PDE1C: variants seen among roughly 807,000 people sequenced by gnomAD.
PDE1C encodes phosphodiesterase 1C.
Under a neutral mutation model 93.1 loss-of-function variants are expected in PDE1C, and 62 were observed. The ratio of observed to expected loss-of-function variants is 0.67; its 90% CI spans 0.54 to 0.82. The LOEUF (loss-of-function observed/expected upper bound fraction) is 0.82. PDE1C is among the 40% of genes least tolerant of loss of function. PDE1C has a pLI of 0.00. For missense variants in PDE1C, 742 were observed against 884.6 expected (o/e 0.84, Z 2.04); for synonymous variants, 325 against 310.1 (o/e 1.05, Z -0.50).
At chr7:32,021,458 G>C (rs1788661200) in intron 2 of PDE1C, among the ~76,000 whole-genome samples, 1 of 152,094 alleles carries the variant, frequency 6.6e-6, no homozygotes, top group Non-Finnish European at 1.5e-5. Context: ...GAAAGGTAGA[G>C]AAGAGTTAGA....
intron 2 of PDE1C, among the ~76,000 whole-genome samples, chr7:32,005,546 A>C (rs1431255906): frequency 8.0e-6 from 1 of 124,458 alleles, no homozygotes; most frequent in Non-Finnish European, 1.6e-5. Context: ...ACAGAGCGAG[A>C]CTCCATTTCA....
At chr7:31,700,384 A>G in the PDE1C span, among the ~76,000 whole-genome samples, 1 of 152,184 alleles carries the variant, frequency 6.6e-6, no homozygotes, top group African/African-American at 2.4e-5. Context: ...CTTCAGTTAT[A>G]TGAAGGTTGA....
chr7:32,038,657 T>C (rs887719325), intron 2 of PDE1C, among the ~76,000 whole-genome samples: 5 of 152,156 alleles, frequency 3.3e-5, no homozygotes, highest in African/African-American at 7.2e-5. Context: ...AGTGATATAT[T>C]GCCTTTTTAC....
At chr7:31,775,553 G>T in intron 17 of PDE1C, 111 bp downstream of exon 17, 1 of 836,164 alleles carries the variant, frequency 1.2e-6, no homozygotes, top group Non-Finnish European at 2.0e-6. Context: ...AACGTGAGTA[G>T]ACTGGATAAC....
chr7:32,112,004 T>C (rs540517220), intron 3 of PDE1C, among the ~76,000 whole-genome samples: 1 of 152,342 alleles, frequency 6.6e-6, no homozygotes, highest in Admixed American at 6.5e-5. Context: ...GGCAATAATA[T>C]TATCCTTCAG....
intron 1 of PDE1C, among the ~76,000 whole-genome samples, chr7:32,276,054 G>C (rs776914238): frequency 6.6e-6 from 1 of 151,674 alleles, no homozygotes; most frequent in African/African-American, 2.4e-5. Context: ...ATTTACTTTG[G>C]GTATAAATGG....
intron 2 of PDE1C, among the ~76,000 whole-genome samples, chr7:31,910,099 T>G (rs982890210): frequency 6.6e-6 from 1 of 152,122 alleles, no homozygotes; most frequent in Non-Finnish European, 1.5e-5. Context: ...CAATATATAT[T>G]TTTCCCTAAA....
In PDE1C at chr7:32,070,364, T is replaced by C; in HGVS notation, c.30A>G (p.Glu10=). 1 of 1,614,242 alleles carries C rather than the reference T, an allele frequency of 6.2e-7. No homozygotes were observed. The highest frequency in any genetic ancestry group is 1.1e-5 in the South Asian group (1 of 91,088). Residue 10 remains glutamate, a synonymous_variant, in exon 1 of 18, where the codon GAA becomes GAG. Coordinates refer to ENST00000396191, the MANE Select transcript of PDE1C (RefSeq NM_001191057.4). Reference sequence around the variant, plus strand: ...GGTATTTCAGAGAGTTGCTCTCAAATTCTTCAATCTCCTTGGTTGGCGACT... The same window carrying C: ...GGTATTTCAGAGAGTTGCTCTCAAACTCTTCAATCTCCTTGGTTGGCGACT... MESPTKEIE[E]FESNSLKYLQ...
At chr7:31,651,753 A>T in the PDE1C span, among the ~76,000 whole-genome samples, 2 of 146,758 alleles carry the variant, frequency 1.4e-5, no homozygotes, top group East Asian at 4.3e-4. Context: ...ACTATATTAT[A>T]CTGCAATAAA....
intron 3 of PDE1C, among the ~76,000 whole-genome samples, chr7:32,112,840 G>GTATATATA (rs1563322964): frequency 1.9e-4 from 10 of 53,670 alleles, no homozygotes; most frequent in Non-Finnish European, 2.6e-4. Flanking sequence ...GTGTGTGTGT[G>GTATATATA]TGTGTGTATA....
chr7:31,796,226 A>C (rs1350775202), intron 16 of PDE1C, among the ~76,000 whole-genome samples: 1 of 150,828 alleles, frequency 6.6e-6, no homozygotes, highest in East Asian at 2.0e-4. Context: ...GTTATATGTC[A>C]TATATGCATC....
At chr7:32,418,424 A>G (rs367987676) in intron 1 of PDE1C, among the ~76,000 whole-genome samples, 2 of 152,206 alleles carry the variant, frequency 1.3e-5, no homozygotes, top group East Asian at 3.8e-4. Context: ...TGGTGCATGA[A>G]GTATGCCTGG....
intron 3 of PDE1C, among the ~76,000 whole-genome samples, chr7:32,150,955 A>C (rs774301159): frequency 6.6e-6 from 1 of 152,138 alleles, no homozygotes; most frequent in Admixed American, 6.5e-5. Flanking sequence ...AGCAGCTTGC[A>C]TGAGTTCTAT....
At chr7:31,744,106 G>A in the PDE1C span, among the ~76,000 whole-genome samples, 1 of 152,162 alleles carries the variant, frequency 6.6e-6, no homozygotes, top group Non-Finnish European at 1.5e-5. Context: ...TAATGGTGCT[G>A]TAGTCATTAT....
intron 2 of PDE1C, among the ~76,000 whole-genome samples, chr7:32,031,562 G>A (rs1482238136): frequency 1.3e-5 from 2 of 152,136 alleles, no homozygotes; most frequent in East Asian, 1.9e-4. Flanking sequence ...TCATATGAGG[G>A]AATGAAGGCA....
chr7:32,335,129 T>G (rs935499355), intron 1 of PDE1C, among the ~76,000 whole-genome samples: 2 of 152,180 alleles, frequency 1.3e-5, no homozygotes, highest in African/African-American at 2.4e-5. Flanking sequence ...TATGGACATA[T>G]TCAATATTTT....
chr7:32,327,244 G>A (rs1179395070), intron 1 of PDE1C, among the ~76,000 whole-genome samples: 1 of 152,108 alleles, frequency 6.6e-6, no homozygotes, highest in African/African-American at 2.4e-5. Flanking sequence ...GTTTTCCAAG[G>A]AAATCTTTTA....
intron 2 of PDE1C, among the ~76,000 whole-genome samples, chr7:31,920,328 C>T (rs984891121): frequency 1.3e-5 from 2 of 148,362 alleles, no homozygotes; most frequent in African/African-American, 5.0e-5. Flanking sequence ...TTTCCCCTCC[C>T]CCTAAATCTA....
At chr7:31,790,303 T>G in intron 16 of PDE1C, 2 of 1,553,926 alleles carry the variant, frequency 1.3e-6, no homozygotes, top group South Asian at 2.2e-5. Flanking sequence ...ATGCTGCCTT[T>G]CCCCCCGCCC....
Sources: allele counts gnomAD v4.1 joint callset (sites outside exome capture counted in the v4.1 genomes callset), GRCh38; gene constraint gnomAD v4.1.1; transcripts MANE v1.5; gene names NCBI Gene and HGNC (gene_info 2026-07-23, HGNC 2026-07-21).